CHST11: variants seen among roughly 807,000 people sequenced by gnomAD.
CHST11 encodes carbohydrate sulfotransferase 11.
Under a neutral mutation model 30.4 loss-of-function variants are expected in CHST11, and 9 were observed. The observed-to-expected ratio is 0.30, with a 90% CI of 0.18 to 0.52. The LOEUF (loss-of-function observed/expected upper bound fraction) is 0.52. CHST11 is among the 20% of genes least tolerant of loss of function. The probability of loss-of-function intolerance (pLI) is 0.97; values close to 1 mark genes in which losing one functional copy is unlikely to be tolerated. For missense variants in CHST11, 348 were observed against 460.6 expected, an observed-to-expected ratio of 0.76 and a Z score of 2.24; for synonymous variants, 152 against 187.8, an observed-to-expected ratio of 0.81 and a Z score of 1.56.
intron 1 of CHST11, among the ~76,000 whole-genome samples, chr12:104,511,853 T>C (rs1179024818): frequency 6.6e-6 from 1 of 152,158 alleles, no homozygotes; most frequent in Non-Finnish European, 1.5e-5. Context: ...TGGGTATCCA[T>C]GGGGGATTGG....
rs138545114 is a variant in CHST11 at position 104,563,253 on chromosome 12, G to T, written c.119-38653G>T. 1.6e-3 allele frequency among the ~76,000 whole-genome samples: 243 copies of T among 152,276 alleles called. 8 individuals are homozygous for T. The East Asian group carries it at 0.034, about 21-fold the overall frequency. On this transcript the variant is annotated intron_variant, in intron 1 of 2. Coordinates refer to ENST00000303694, the MANE Select transcript of CHST11 (RefSeq NM_018413.6). ...ATGGTTTTGCCTGTTGGCCAGGCTG[G>T]TCTCGAACTCCTGACCTCAAGTGAT... is the stretch of plus-strand genomic sequence containing the variant.
chr12:104,574,230 T>C (rs2038659429), intron 1 of CHST11, among the ~76,000 whole-genome samples: 1 of 151,964 alleles, frequency 6.6e-6, no homozygotes, highest in East Asian at 1.9e-4. Context: ...GGAGAGGATG[T>C]GGAGAAATAG....
chr12:104,696,275 G>A (rs900897648), intron 2 of CHST11, among the ~76,000 whole-genome samples: 6 of 151,920 alleles, frequency 3.9e-5, no homozygotes, highest in African/African-American at 1.5e-4. Flanking sequence ...TCACCATCCT[G>A]AATTCACAAA....
At chr12:104,561,490 C>A (rs1286179887) in intron 1 of CHST11, among the ~76,000 whole-genome samples, 1 of 152,170 alleles carries the variant, frequency 6.6e-6, no homozygotes, top group Non-Finnish European at 1.5e-5. Context: ...GTGCCTGACT[C>A]AGTTTCTAAC....
At chr12:104,717,373 A>G (rs1482272793) in intron 2 of CHST11, among the ~76,000 whole-genome samples, 1 of 152,190 alleles carries the variant, frequency 6.6e-6, no homozygotes, top group Non-Finnish European at 1.5e-5. Context: ...CGCTTCCTTC[A>G]GTAGGTCTTC....
At chr12:104,544,893 C>A (rs1225152827) in intron 1 of CHST11, among the ~76,000 whole-genome samples, 1 of 151,580 alleles carries the variant, frequency 6.6e-6, no homozygotes, top group Admixed American at 6.6e-5. Flanking sequence ...GTTGGCCTTG[C>A]CACAGCAATT....
At chr12:104,565,258 A>ATTTTTT (rs66825272) in intron 1 of CHST11, among the ~76,000 whole-genome samples, 755 of 72,936 alleles carry the variant, frequency 0.01, 13 homozygotes, top group Non-Finnish European at 0.013. Context: ...GTTTTCTAGG[A>ATTTTTT]TTTTTTTTTT....
At chr12:104,501,374 C>T (rs1425397139) in intron 1 of CHST11, among the ~76,000 whole-genome samples, 1 of 152,132 alleles carries the variant, frequency 6.6e-6, no homozygotes, top group Non-Finnish European at 1.5e-5. Context: ...CTTCCCAGTC[C>T]CTGAAAGCAA....
At chr12:104,576,854 C>T (rs1373339244) in intron 1 of CHST11, among the ~76,000 whole-genome samples, 1 of 152,150 alleles carries the variant, frequency 6.6e-6, no homozygotes. Context: ...GAGGGACATT[C>T]ACGTTCCTCC....
At chr12:104,495,812 C>T (rs1268585890) in intron 1 of CHST11, among the ~76,000 whole-genome samples, 1 of 152,230 alleles carries the variant, frequency 6.6e-6, no homozygotes, top group Non-Finnish European at 1.5e-5. Context: ...TTGAACCCAA[C>T]CGTCTGGCTA....
At position 104,759,760 on chromosome 12, in the gene CHST11, C is replaced by T. The variant is rs1178483076; in HGVS notation, c.*1957C>T. 6.6e-6 allele frequency: 1 copy of T among 152,182 alleles called. No homozygotes were observed. The highest frequency in any genetic ancestry group is 1.5e-5 in the Non-Finnish European group (1 of 68,042). The allele number at this position is 152,182 out of a possible 1,614,324, so 9.4% of individuals were successfully genotyped here. On this transcript the variant is annotated 3_prime_UTR_variant, in exon 3 of 3. Coordinates refer to ENST00000303694, the MANE Select transcript of CHST11 (RefSeq NM_018413.6). ...AGCTCTCTCCCCTTTGTGAAGGGCGCAGCAACTATACCCTTGATGGATGGA... is the reference window on the plus strand; with the variant it reads ...AGCTCTCTCCCCTTTGTGAAGGGCGTAGCAACTATACCCTTGATGGATGGA...
intron 1 of CHST11, among the ~76,000 whole-genome samples, chr12:104,494,632 A>G (rs1482793063): frequency 2.0e-5 from 3 of 152,168 alleles, no homozygotes; most frequent in Non-Finnish European, 4.4e-5. Flanking sequence ...TCTCAGAACA[A>G]TGTCGTAGGC....
chr12:104,583,252 G>A (rs938216019), intron 1 of CHST11, among the ~76,000 whole-genome samples: 19 of 152,246 alleles, frequency 1.2e-4, no homozygotes, highest in Admixed American at 1.1e-3. Context: ...AAAATTGTGA[G>A]TGTTTCCCTG....
At chr12:104,646,205 C>A (rs946951033) in intron 2 of CHST11, among the ~76,000 whole-genome samples, 2 of 152,202 alleles carry the variant, frequency 1.3e-5, no homozygotes, top group African/African-American at 4.8e-5. Flanking sequence ...AGTCTGCCCT[C>A]CTTCCATGCC....
rs1202327148 is a variant in CHST11, at chr12:104,759,738, T to G, written c.*1935T>G. 1.3e-5 allele frequency: 2 copies of G among 152,172 alleles called. No individual in the cohort carries two copies. The highest frequency in any genetic ancestry group is 2.9e-5 in the Non-Finnish European group (2 of 68,028). 9.4% of individuals were successfully genotyped at this position (152,172 alleles called of 1,614,324 possible). On this transcript the variant is annotated 3_prime_UTR_variant, in exon 3 of 3. Transcript: ENST00000303694. ...AAACGTTGTGTACCTTCTTCCGAGC[T>G]CTCTCCCCTTTGTGAAGGGCGCAGC...
chr12:104,473,171 G>T (rs761215923), intron 1 of CHST11, among the ~76,000 whole-genome samples: 14 of 152,118 alleles, frequency 9.2e-5, no homozygotes, highest in Non-Finnish European at 1.8e-4. Context: ...AATGAACTCG[G>T]GGCCATTTGG....
chr12:104,605,291 A>G (rs888428377), intron 2 of CHST11, among the ~76,000 whole-genome samples: 2 of 152,156 alleles, frequency 1.3e-5, no homozygotes, highest in Non-Finnish European at 2.9e-5. Flanking sequence ...GAGTGTACAG[A>G]GTTTTTTATT....
chr12:104,761,464 T>TCCACACACACAC lies in CHST11; in HGVS notation c.*3661_*3662insCCACACACACAC, dbSNP rs2040524571. 1 of 142,828 alleles carries TCCACACACACAC rather than the reference T, an allele frequency of 7.0e-6. No homozygotes were observed. The highest frequency in any genetic ancestry group is 2.7e-5 in the African/African-American group (1 of 36,614). 8.8% of individuals were successfully genotyped at this position (142,828 alleles called of 1,614,324 possible). ...CTTGCTTTCCTAGCCAGTCCTCCCC[T>TCCACACACACAC]ACACACACACACACACACACACACA... On this transcript the variant is annotated 3_prime_UTR_variant, in exon 3 of 3. Coordinates refer to ENST00000303694, the MANE Select transcript of CHST11 (RefSeq NM_018413.6).
Position 104,759,542 on chromosome 12 carries a change from G to T in CHST11, c.*1739G>T, listed in dbSNP as rs1436743939. The T allele has an allele frequency of 6.6e-6, 1 of 151,984 alleles. No homozygotes were observed. Among genetic ancestry groups the T allele is most frequent in the Non-Finnish European group, 1.5e-5 (1 of 68,002 alleles). 9.4% of individuals were successfully genotyped at this position (151,984 alleles called of 1,614,324 possible). A position where few individuals can be genotyped will look rare whatever the true frequency, so the allele number is the denominator to read the frequency against. Reference sequence around the variant, plus strand: ...ATGCCGTATATAGTGAAGGGGTGAGGATATTCTAAACAAACAAAAATTGAA... The same window carrying T: ...ATGCCGTATATAGTGAAGGGGTGAGTATATTCTAAACAAACAAAAATTGAA... On this transcript the variant is annotated 3_prime_UTR_variant, in exon 3 of 3. Coordinates refer to ENST00000303694, the MANE Select transcript of CHST11 (RefSeq NM_018413.6).
Sources: allele counts gnomAD v4.1 joint callset (sites outside exome capture counted in the v4.1 genomes callset), GRCh38; gene constraint gnomAD v4.1.1; transcripts MANE v1.5; gene names NCBI Gene and HGNC (gene_info 2026-07-23, HGNC 2026-07-21).